The following PTPRN2 variants were observed in gnomAD, a reference collection of about 807,000 sequenced individuals.
PTPRN2 encodes the protein receptor-type tyrosine-protein phosphatase N2.
In PTPRN2, 74 loss-of-function variants were observed where a neutral mutation model predicts 118.8. That is an observed-to-expected ratio of 0.62 (90% CI 0.52 to 0.76). The LOEUF is 0.76. PTPRN2 is among the 30% of genes least tolerant of loss of function. The pLI is 0.00. For synonymous variants in PTPRN2, 641 were observed against 608.0 expected, an observed-to-expected ratio of 1.05 and a Z score of -0.80; for missense variants, 1,481 against 1,394.4, an observed-to-expected ratio of 1.06 and a Z score of -0.99.
In PTPRN2 at chr7:157,990,594, G is replaced by A. The variant is rs1368201718; in HGVS notation, c.1723+90704C>T. Among the ~76,000 whole-genome samples the A allele has an allele frequency of 6.6e-6, 1 of 152,212 alleles. No individual in the cohort carries two copies. The highest frequency in any genetic ancestry group is 2.4e-5 in the African/African-American group (1 of 41,460). On this transcript the variant is annotated intron_variant, in intron 11 of 22. Transcript: ENST00000389418. This position sits in a 1 kb window ranked among gnomAD's most constrained non-coding sequence, Gnocchi z 4.3. Reference sequence around the variant, plus strand: ...CAAGGGAGGAGACATCGGTGGATGGGGGAGCAGGGCAGGCTGGGGGTCAGG... The same window carrying A: ...CAAGGGAGGAGACATCGGTGGATGGAGGAGCAGGGCAGGCTGGGGGTCAGG...
chr7:157,718,492 C>G (rs1397041894), intron 12 of PTPRN2, among the ~76,000 whole-genome samples: 1 of 152,248 alleles, frequency 6.6e-6, no homozygotes, highest in African/African-American at 2.4e-5. Context: ...CCCGGCCTGG[C>G]TCCAGGTCTG....
chr7:158,518,496 G>A (rs1265856939), intron 1 of PTPRN2, among the ~76,000 whole-genome samples: 2 of 152,160 alleles, frequency 1.3e-5, no homozygotes, highest in East Asian at 1.9e-4. Context: ...GGGCCAGAAC[G>A]TCCACAGAGG....
In PTPRN2 at chr7:158,153,355, G is replaced by A. The variant is rs185038189; in HGVS notation, c.910+13576C>T. On this transcript the variant is annotated intron_variant, in intron 6 of 22. Transcript: ENST00000389418. ...CCTCTGTCCTTGTGATAAGGAAGGG[G>A]TCTGATTGAGCTGACTAACACAAGC... is the stretch of plus-strand genomic sequence containing the variant. Among the ~76,000 whole-genome samples, 91 of 152,328 alleles carry A rather than the reference G, an allele frequency of 6.0e-4. 1 individual carries two copies. The highest frequency in any genetic ancestry group is 6.8e-3 in the Middle Eastern group (2 of 294).
In PTPRN2 at chr7:158,167,108, C is replaced by T; in HGVS notation, c.733G>A (p.Ala245Thr). Residue 245 changes from alanine (A) to threonine (T), a missense_variant, in exon 6 of 23, where the codon GCC becomes ACC. Ala to Thr is a moderately conservative substitution (Grantham distance 58, BLOSUM62 0). Around this residue, in one of 3 missense-constraint regions of PTPRN2, gnomAD observed 1,115 missense variants for 994.2 expected, o/e 1.12. Transcript: ENST00000389418. ...CTCTGGGCAGCATAGGCACTGAGGGCCGCCATCAGATGGTGTCTGTCCACA... is the reference window on the plus strand; with the variant it reads ...CTCTGGGCAGCATAGGCACTGAGGGTCGCCATCAGATGGTGTCTGTCCACA... ...SGVDRHHLMA[A>T]LSAYAAQRPP... 6.2e-7 allele frequency: 1 copy of T among 1,613,178 alleles called. No individual in the cohort carries two copies. Among genetic ancestry groups the T allele is most frequent in the Non-Finnish European group, 8.5e-7 (1 of 1,179,592 alleles).
chr7:158,402,319 G>A (rs1031715567), intron 2 of PTPRN2, among the ~76,000 whole-genome samples: 1 of 152,088 alleles, frequency 6.6e-6, no homozygotes, highest in Non-Finnish European at 1.5e-5. Flanking sequence ...GAAATCTGGG[G>A]GTACAACCTC....
At chr7:158,237,935 G>A (rs746007721) in intron 3 of PTPRN2, among the ~76,000 whole-genome samples, 9 of 152,070 alleles carry the variant, frequency 5.9e-5, no homozygotes, top group Admixed American at 1.3e-4. Flanking sequence ...CCCGCAGCCC[G>A]GCGGCTGCCA....
chr7:157,852,920 C>T (rs1363634494), intron 12 of PTPRN2, among the ~76,000 whole-genome samples: 2 of 151,032 alleles, frequency 1.3e-5, no homozygotes, highest in African/African-American at 4.9e-5. Context: ...CAGCAGCAAA[C>T]CCTCTGAGAT....
chr7:157,540,537 T>C lies in PTPRN2; in HGVS notation c.*177A>G. 1 of 470,972 alleles carries C rather than the reference T, an allele frequency of 2.1e-6. No individual in the cohort carries two copies. The highest frequency in any genetic ancestry group is 3.8e-6 in the Non-Finnish European group (1 of 266,108). 29.2% of individuals were successfully genotyped at this position (470,972 alleles called of 1,614,324 possible). ...CTGGATTTTTCCACAAATCTCTCTT[T>C]ATTATTGTTTGATTAAACAAAAATA... On this transcript the variant is annotated 3_prime_UTR_variant, in exon 23 of 23. Transcript: ENST00000389418.
At chr7:157,692,494 T>G (rs1228115458) in intron 12 of PTPRN2, among the ~76,000 whole-genome samples, 3 of 152,114 alleles carry the variant, frequency 2.0e-5, no homozygotes, top group Non-Finnish European at 4.4e-5. Context: ...ATGAGTACGG[T>G]GCCGTCCGCT....
chr7:157,811,250 G>T (rs1339600326), intron 12 of PTPRN2, among the ~76,000 whole-genome samples: 1 of 143,494 alleles, frequency 7.0e-6, no homozygotes, highest in African/African-American at 2.6e-5. Flanking sequence ...CAGCCTGGAT[G>T]ACAGAGCGAG....
chr7:158,068,708 T>C (rs188978947), intron 11 of PTPRN2, among the ~76,000 whole-genome samples: 87 of 152,294 alleles, frequency 5.7e-4, no homozygotes, highest in African/African-American at 1.8e-3. Flanking sequence ...CCAGCATTCA[T>C]TGGGGGATGT....
intron 2 of PTPRN2, among the ~76,000 whole-genome samples, chr7:158,440,826 G>A (rs1305724452): frequency 6.8e-5 from 10 of 147,446 alleles, no homozygotes; most frequent in Non-Finnish European, 1.3e-4. Flanking sequence ...TAGTAGTGGT[G>A]GTGGTGGTGA....
chr7:158,505,202 G>C (rs1458391216), intron 1 of PTPRN2, among the ~76,000 whole-genome samples: 1 of 152,102 alleles, frequency 6.6e-6, no homozygotes, highest in Non-Finnish European at 1.5e-5. Context: ...ACCACTGTTA[G>C]TCAAAAAAAT....
In PTPRN2 at chr7:158,536,906, C is replaced by T. The variant is rs544653414; in HGVS notation, c.113-47121G>A. 7.9e-5 allele frequency among the ~76,000 whole-genome samples: 12 copies of T among 152,324 alleles called. No homozygotes were observed. The South Asian group carries it at 1.5e-3, about 18-fold the overall frequency. ...TGAGCAAACATCTGTCAGTAGGACA[C>T]GGGTGGAGACAGACTGTGCCCCGGA... On this transcript the variant is annotated intron_variant, in intron 1 of 22. Transcript: ENST00000389418.
intron 11 of PTPRN2, among the ~76,000 whole-genome samples, chr7:158,010,850 C>A (rs929558253): frequency 6.6e-6 from 1 of 152,234 alleles, no homozygotes; most frequent in Non-Finnish European, 1.5e-5. Context: ...TTGGGCCCCC[C>A]ATGGAGCACC....
intron 6 of PTPRN2, among the ~76,000 whole-genome samples, chr7:158,147,669 C>T: frequency 1.5e-5 from 2 of 133,834 alleles, no homozygotes; most frequent in African/African-American, 5.7e-5. Flanking sequence ...CGTGTCTTTC[C>T]CCCTCACTGA....
At position 158,489,887 on chromosome 7, in the gene PTPRN2, G is replaced by T. The variant is rs370768827; in HGVS notation, c.113-102C>A. 38 of 1,106,904 alleles carry T rather than the reference G, an allele frequency of 3.4e-5. 1 individual carries two copies. The highest frequency in any genetic ancestry group is 4.8e-5 in the Non-Finnish European group (37 of 766,322). The allele number at this position is 1,106,904 out of a possible 1,614,324, so 68.6% of individuals were successfully genotyped here. On this transcript the variant is annotated intron_variant, in intron 1 of 22. Transcript: ENST00000389418. Reference sequence around the variant, plus strand: ...CCTGGTGAATTTCAGAGAAACCGCCGGTCAAGCAGGCTCCTCCGACCCGGC... The same window carrying T: ...CCTGGTGAATTTCAGAGAAACCGCCTGTCAAGCAGGCTCCTCCGACCCGGC...
chr7:158,347,321 A>G lies in PTPRN2; in HGVS notation c.164-30389T>C, dbSNP rs934416979. ...TTCATTCTTCTGCATGTGGATATCC[A>G]GTTTTTCTGGCACCATTTATTGAAG... On this transcript the variant is annotated intron_variant, in intron 2 of 22. Transcript: ENST00000389418. Among the ~76,000 whole-genome samples, 49 of 152,280 alleles carry G rather than the reference A, an allele frequency of 3.2e-4. 1 individual carries two copies. The highest frequency in any genetic ancestry group is 1.1e-3 in the African/African-American group (47 of 41,552).
intron 12 of PTPRN2, among the ~76,000 whole-genome samples, chr7:157,705,749 G>C (rs1178553489): frequency 6.6e-6 from 1 of 151,644 alleles, no homozygotes; most frequent in Non-Finnish European, 1.5e-5. Context: ...TGGGAATTCA[G>C]TGAATCTGAC....
Sources: allele counts gnomAD v4.1 joint callset (sites outside exome capture counted in the v4.1 genomes callset), GRCh38; gene constraint gnomAD v4.1.1; regional missense constraint gnomAD v4.1.1; non-coding constraint Gnocchi (gnomAD v3.1); transcripts MANE v1.5; gene names NCBI Gene and HGNC (gene_info 2026-07-23, HGNC 2026-07-21).